Variants in NRP1 observed in about 807,000 individuals in gnomAD.
NRP1 encodes neuropilin-1.
A neutral mutation model predicts 106.7 loss-of-function variants in NRP1; 35 were observed. The ratio of observed to expected loss-of-function variants is 0.33; its 90% confidence interval spans 0.25 to 0.43. The LOEUF (loss-of-function observed/expected upper bound fraction) is 0.43, where lower values mean the gene tolerates loss of function less well. Among genes scored for constraint, NRP1 ranks in the 20% least tolerant of loss-of-function variants. The probability of loss-of-function intolerance (pLI) is 1.00; values close to 1 mark genes in which losing one functional copy is unlikely to be tolerated. For missense variants in NRP1, 1,024 were observed against 1,170.4 expected (o/e 0.87, Z 1.83); for synonymous variants, 437 against 417.9 (o/e 1.05, Z -0.56).
rs145514099 is a variant in NRP1 at position 33,221,273 on chromosome 10, T to A, written c.1282+446A>T. On this transcript the variant is annotated intron_variant, in intron 8 of 16. Coordinates refer to ENST00000374867, the MANE Select transcript of NRP1 (RefSeq NM_003873.7). Reference sequence around the variant, plus strand: ...GAATCTTTCATGCAACAGTTACTTATTGTAAATCTACTAAGTAGTAGTCAG... The same window carrying A: ...GAATCTTTCATGCAACAGTTACTTAATGTAAATCTACTAAGTAGTAGTCAG... Among the ~76,000 whole-genome samples, 6 of 152,308 alleles carry A rather than the reference T, an allele frequency of 3.9e-5. 1 individual carries two copies. The highest frequency in any genetic ancestry group is 1.4e-4 in the African/African-American group (6 of 41,572).
chr10:33,240,455 G>C (rs1041572374), intron 6 of NRP1, among the ~76,000 whole-genome samples: 1 of 152,204 alleles, frequency 6.6e-6, no homozygotes, highest in Non-Finnish European at 1.5e-5. Context: ...TGGTTTTGCA[G>C]TTAATCATGG....
intron 7 of NRP1, among the ~76,000 whole-genome samples, chr10:33,223,151 G>A (rs1484325487): frequency 6.6e-6 from 1 of 152,176 alleles, no homozygotes; most frequent in East Asian, 1.9e-4. Context: ...AGCATCACGG[G>A]GCTCACTCGA....
Position 33,192,438 on chromosome 10 carries a change from A to G in NRP1, c.1925-20T>C. The G allele has an allele frequency of 6.2e-7, 1 of 1,611,850 alleles. No homozygotes were observed. The highest frequency in any genetic ancestry group is 8.5e-7 in the Non-Finnish European group (1 of 1,178,688). The stretch of plus-strand genomic sequence containing the variant: ...GAAACTCTTCAGTGGGTGGGAAGTA[A>G]AAATAAGAGACAAGCAAAGAAAGGC... On this transcript the variant is annotated intron_variant, in intron 12 of 16. Transcript: ENST00000374867.
intron 2 of NRP1, among the ~76,000 whole-genome samples, chr10:33,306,100 G>C (rs1846138029): frequency 6.6e-6 from 1 of 152,080 alleles, no homozygotes. Context: ...TTTCACTCCA[G>C]CTGTCATACA....
chr10:33,302,538 T>C (rs1845874402), intron 2 of NRP1, among the ~76,000 whole-genome samples: 1 of 152,216 alleles, frequency 6.6e-6, no homozygotes, highest in South Asian at 2.1e-4. Flanking sequence ...TGTTGGAGGG[T>C]ACATTACTAG....
chr10:33,199,640 T>C (rs998586314), intron 11 of NRP1, among the ~76,000 whole-genome samples: 1 of 151,900 alleles, frequency 6.6e-6, no homozygotes, highest in Non-Finnish European at 1.5e-5. Flanking sequence ...TTGAGAAAGC[T>C]GTTTTTCCTT....
chr10:33,198,073 CTT>C (rs78668305), intron 11 of NRP1, among the ~76,000 whole-genome samples: 8 of 125,866 alleles, frequency 6.4e-5, no homozygotes, highest in Middle Eastern at 3.8e-3. Context: ...CTATTTTAGG[CTT>C]TTTTTTTTTT....
At chr10:33,260,013 A>G (rs1277329623) in intron 4 of NRP1, among the ~76,000 whole-genome samples, 1 of 151,660 alleles carries the variant, frequency 6.6e-6, no homozygotes, top group Non-Finnish European at 1.5e-5. Flanking sequence ...TGCCACTACC[A>G]CCAGCTAATT....
chr10:33,196,367 T>C (rs1309406847), intron 12 of NRP1, among the ~76,000 whole-genome samples: 1 of 152,158 alleles, frequency 6.6e-6, no homozygotes, highest in Non-Finnish European at 1.5e-5. Flanking sequence ...AGAAAGGACA[T>C]AGAGAACCAA....
chr10:33,195,712 G>A (rs1227789603), intron 12 of NRP1: 1 of 368,700 alleles, frequency 2.7e-6, no homozygotes, highest in Non-Finnish European at 5.4e-6. Flanking sequence ...GCCAGAAGGT[G>A]ACAATCAACA....
Position 33,192,374 on chromosome 10 carries a change from G to A in NRP1, c.1969C>T (p.His657Tyr). The A allele has an allele frequency of 1.2e-6, 2 of 1,613,930 alleles. No individual in the cohort carries two copies. The highest frequency in any genetic ancestry group is 1.7e-6 in the Non-Finnish European group (2 of 1,179,924). Residue 657 changes from histidine to tyrosine, a missense_variant, in exon 13 of 17, where the codon CAC (histidine) becomes TAC (tyrosine). His to Tyr is a moderately conservative substitution (Grantham distance 83, BLOSUM62 2). Around this residue, in one of 5 missense-constraint regions of NRP1, gnomAD observed 562 missense variants for 620.3 expected, o/e 0.91. Coordinates refer to ENST00000374867, the MANE Select transcript of NRP1 (RefSeq NM_003873.7). ...TGTTCCCAGTGGCAGAAGGTCTTGT[G>A]AGAGCCCCAGCCAAATTCACAGTTA... ...GFNCEFGWGSHKTFCHWEHDN... is the reference protein window; with the variant it reads ...GFNCEFGWGSYKTFCHWEHDN...
At chr10:33,314,922 T>C (rs1168893921) in intron 2 of NRP1, among the ~76,000 whole-genome samples, 1 of 152,210 alleles carries the variant, frequency 6.6e-6, no homozygotes, top group Non-Finnish European at 1.5e-5. Flanking sequence ...ACATGTGCAT[T>C]TACTGGGGTT....
At chr10:33,209,900 T>A (rs1588728801) in intron 9 of NRP1, among the ~76,000 whole-genome samples, 1 of 152,334 alleles carries the variant, frequency 6.6e-6, no homozygotes, top group Non-Finnish European at 1.5e-5. Flanking sequence ...ACCTGGTAGA[T>A]CAGATGGAGT....
chr10:33,188,290 G>C (rs985803461), intron 13 of NRP1, among the ~76,000 whole-genome samples: 4 of 152,170 alleles, frequency 2.6e-5, no homozygotes, highest in African/African-American at 9.7e-5. Flanking sequence ...GTCAGAGAAT[G>C]GGTGTTAGAA....
In NRP1 at chr10:33,197,646, A is replaced by G; in HGVS notation, c.1924+4T>C. The G allele has an allele frequency of 6.3e-7, 1 of 1,598,812 alleles. No individual in the cohort carries two copies. The highest frequency in any genetic ancestry group is 1.1e-5 in the South Asian group (1 of 87,642). ...TCTGTCACATTTCGTATTTTATTTG[A>G]TACCTGATTGTATGGTGCTGTCTAT... On this transcript the variant is annotated splice_donor_region_variant and intron_variant, in intron 12 of 16. Coordinates refer to ENST00000374867, the MANE Select transcript of NRP1 (RefSeq NM_003873.7).
chr10:33,180,207 A>T lies in NRP1; in HGVS notation c.2641T>A (p.Cys881Ser), dbSNP rs1239752717. 10 of 1,614,178 alleles carry T rather than the reference A, an allele frequency of 6.2e-6. No individual in the cohort carries two copies. Among genetic ancestry groups the T allele is most frequent in the Non-Finnish European group, 8.5e-6 (10 of 1,180,044 alleles). Residue 881 changes from cysteine (C) to serine (S), a missense_variant, in exon 17 of 17, where the codon TGT becomes AGT. By Grantham distance (112) the Cys-to-Ser change is moderately radical (BLOSUM62 -1). Around this residue, in one of 5 missense-constraint regions of NRP1, gnomAD observed 164 missense variants for 161.4 expected, o/e 1.02. Coordinates refer to ENST00000374867, the MANE Select transcript of NRP1 (RefSeq NM_003873.7). ...LGAVCGVVLYCACWHNGMSER... is the reference protein window; with the variant it reads ...LGAVCGVVLYSACWHNGMSER... ...GACATCCCATTATGCCAACAGGCACAGTACAGCACGACCCCACAGACAGCC... is the reference window on the plus strand; with the variant it reads ...GACATCCCATTATGCCAACAGGCACTGTACAGCACGACCCCACAGACAGCC...
intron 8 of NRP1, among the ~76,000 whole-genome samples, chr10:33,215,948 T>G (rs1237118450): frequency 6.6e-6 from 1 of 152,168 alleles, no homozygotes; most frequent in African/African-American, 2.4e-5. Flanking sequence ...TTGGGAGCTT[T>G]CTTTCTGTTC....
Position 33,213,697 on chromosome 10 carries a change from A to T in NRP1, c.1303T>A (p.Leu435Met), listed in dbSNP as rs765913209. ...GAAATAAGTCCAGACACCATACCCA[A>T]CATTCCAGAGCAAGGATAATCTGGG... ...KITDYPCSGM[L>M]GMVSGLISDS... Residue 435 changes from leucine (L) to methionine (M), a missense_variant, in exon 9 of 17, where the codon TTG (leucine) becomes ATG (methionine). Physicochemically the swap from Leu to Met is conservative, Grantham distance 15. Around this residue, in one of 5 missense-constraint regions of NRP1, gnomAD observed 562 missense variants for 620.3 expected, o/e 0.91. Transcript: ENST00000374867. 6.3e-7 allele frequency: 1 copy of T among 1,598,538 alleles called. No homozygotes were observed.
chr10:33,245,434 A>T (rs1263956572), intron 6 of NRP1, among the ~76,000 whole-genome samples: 2 of 152,226 alleles, frequency 1.3e-5, no homozygotes, highest in Non-Finnish European at 2.9e-5. Flanking sequence ...AAATGTCAGT[A>T]TTGCTCAGAC....
Sources: gnomAD v4.1 joint callset for allele counts (sites outside exome capture counted in the v4.1 genomes callset) on GRCh38, gnomAD v4.1.1 for gene constraint, gnomAD v4.1.1 regional missense constraint, MANE v1.5 for transcripts, NCBI Gene and HGNC (gene_info 2026-07-23, HGNC 2026-07-21) for gene names.